SLIT2: variants seen among roughly 807,000 people sequenced by gnomAD.
The protein encoded by SLIT2 is slit guidance ligand 2.
Under a neutral mutation model 185.7 loss-of-function variants are expected in SLIT2, and 41 were observed. The ratio of observed to expected loss-of-function variants is 0.22; its 90% CI spans 0.17 to 0.29. SLIT2 has a LOEUF of 0.29. Ranked by LOEUF, SLIT2 falls within the 10% of genes least tolerant of loss-of-function variation. The pLI, the probability that SLIT2 is intolerant of heterozygous loss-of-function variation, is 1.00. For missense variants in SLIT2, 1,571 were observed against 1,909.0 expected (o/e 0.82, Z 3.30); for synonymous variants, 693 against 680.2 (o/e 1.02, Z -0.29).
intron 29 of SLIT2, 33 bp from the exon 30 acceptor site, chr4:20,589,611 T>C (rs892416978): frequency 1.3e-6 from 2 of 1,557,692 alleles, no homozygotes; most frequent in Admixed American, 1.7e-5. Flanking sequence ...GTTGACCTTT[T>C]TCTATGAGCT....
At chr4:20,299,965 TATC>T (rs34500988) in intron 4 of SLIT2, among the ~76,000 whole-genome samples, 55,605 of 151,630 alleles carry the variant, frequency 0.37, 10,505 homozygotes, top group African/African-American at 0.45. Context: ...AAATGTATGA[TATC>T]ATCATTCAAG....
At chr4:20,377,426 G>C (rs1724115661) in intron 4 of SLIT2, among the ~76,000 whole-genome samples, 1 of 151,964 alleles carries the variant, frequency 6.6e-6, no homozygotes, top group African/African-American at 2.4e-5. Flanking sequence ...AAAATGGGAG[G>C]TATTATCAGT....
At chr4:20,354,043 A>T (rs1229359418) in intron 4 of SLIT2, among the ~76,000 whole-genome samples, 1 of 152,150 alleles carries the variant, frequency 6.6e-6, no homozygotes, top group Non-Finnish European at 1.5e-5. Context: ...AACTGCAAAA[A>T]AAGAGTGCTG....
chr4:20,377,701 A>G (rs910137614), intron 4 of SLIT2, among the ~76,000 whole-genome samples: 1 of 152,136 alleles, frequency 6.6e-6, no homozygotes, highest in Non-Finnish European at 1.5e-5. Flanking sequence ...ATTTCTCACT[A>G]CAGAAGGGGT....
At chr4:20,596,680 G>C (rs778381110) in intron 32 of SLIT2, 25 bp downstream of exon 32, 1 of 1,596,166 alleles carries the variant, frequency 6.3e-7, no homozygotes, top group African/African-American at 1.3e-5. Flanking sequence ...TCTATGGAGA[G>C]ATGATCGGAT....
chr4:20,493,338 A>C (rs2148799955), intron 9 of SLIT2, among the ~76,000 whole-genome samples: 1 of 152,310 alleles, frequency 6.6e-6, no homozygotes, highest in East Asian at 1.9e-4. Context: ...GATAAAGTAA[A>C]GAGTAGAACG....
At chr4:20,415,410 CAAAAAAAAAAA>C (rs371123614) in intron 4 of SLIT2, among the ~76,000 whole-genome samples, 39 of 65,486 alleles carry the variant, frequency 6.0e-4, no homozygotes, top group African/African-American at 2.3e-3. Flanking sequence ...GACTCCGTCT[CAAAAAAAAAAA>C]AAAAAAAAAA....
intron 4 of SLIT2, among the ~76,000 whole-genome samples, chr4:20,310,888 A>C (rs1718044601): frequency 6.6e-6 from 1 of 152,158 alleles, no homozygotes; most frequent in Admixed American, 6.5e-5. Flanking sequence ...AAATTAGTTA[A>C]TTAATTTATT....
At chr4:20,538,854 C>T (rs925814010) in intron 18 of SLIT2, among the ~76,000 whole-genome samples, 8 of 150,846 alleles carry the variant, frequency 5.3e-5, no homozygotes, top group African/African-American at 2.0e-4. Flanking sequence ...GATCTGTTAC[C>T]GTTGCCTCTT....
At position 20,342,564 on chromosome 4, in the gene SLIT2, T is replaced by C. The variant is rs570767756; in HGVS notation, c.395+73683T>C. ...TAAAGTATTACCTAGGATAGAACTT[T>C]TAGCATAAATCTAATTAATCTATGA... On this transcript the variant is annotated intron_variant, in intron 4 of 36. Transcript: ENST00000504154. Among the ~76,000 whole-genome samples, 5 of 152,208 alleles carry C rather than the reference T, an allele frequency of 3.3e-5. No homozygotes were observed. In the South Asian group the frequency reaches 1.0e-3, roughly 32 times the overall value.
chr4:20,287,169 A>G (rs576590977), intron 4 of SLIT2, among the ~76,000 whole-genome samples: 285 of 152,260 alleles, frequency 1.9e-3, no homozygotes, highest in African/African-American at 6.7e-3. Context: ...CAAGGAAGCT[A>G]GCTACTCTTG....
chr4:20,432,194 C>T (rs531660683), intron 4 of SLIT2, among the ~76,000 whole-genome samples: 8 of 152,272 alleles, frequency 5.3e-5, no homozygotes, highest in Admixed American at 4.6e-4. Flanking sequence ...ACTACAACCC[C>T]TCCCCATCCC....
intron 33 of SLIT2, among the ~76,000 whole-genome samples, chr4:20,599,608 AC>A (rs1728258577): frequency 6.6e-6 from 1 of 152,166 alleles, no homozygotes; most frequent in East Asian, 1.9e-4. Flanking sequence ...GATTTCATCT[AC>A]TCAGTTCTTC....
Position 20,480,724 on chromosome 4 carries a change from A to G in SLIT2, c.476A>G (p.Asp159Gly), listed in dbSNP as rs1463715249. The G allele has an allele frequency of 6.2e-7, 1 of 1,612,984 alleles. No individual in the cohort carries two copies. The highest frequency in any genetic ancestry group is 1.7e-5 in the Admixed American group (1 of 60,004). Residue 159 changes from aspartate (D) to glycine (G), a missense_variant, in exon 6 of 37, where the codon GAT becomes GGT. Transcript: ENST00000504154. ...TCTAATCTTTTTAACAGGCAACTGG[A>G]TTACAACCAGATCAGCTGTATTGAA... ...GAVDIKNLQL[D>G]YNQISCIEDG... is the part of the protein sequence containing the mutation.
At chr4:20,372,428 A>T (rs192939325) in intron 4 of SLIT2, among the ~76,000 whole-genome samples, 1 of 152,166 alleles carries the variant, frequency 6.6e-6, no homozygotes, top group East Asian at 1.9e-4. Context: ...AAGGTAAAAT[A>T]CTGTTGAATA....
chr4:20,369,626 C>A (rs891460907), intron 4 of SLIT2, among the ~76,000 whole-genome samples: 11 of 152,038 alleles, frequency 7.2e-5, no homozygotes, highest in African/African-American at 9.7e-5. Context: ...TTCATCTTTT[C>A]CAGAGCACAC....
chr4:20,410,727 A>G (rs1727184295), intron 4 of SLIT2, among the ~76,000 whole-genome samples: 1 of 152,064 alleles, frequency 6.6e-6, no homozygotes, highest in South Asian at 2.1e-4. Context: ...AGATGGTTGT[A>G]GGTGTGCAGT....
intron 34 of SLIT2, among the ~76,000 whole-genome samples, chr4:20,612,404 C>T (rs1386114499): frequency 1.3e-5 from 2 of 151,774 alleles, no homozygotes; most frequent in Non-Finnish European, 2.9e-5. Context: ...TCAAACAACA[C>T]CTCTGTCCAC....
intron 22 of SLIT2, 88 bp from the exon 23 acceptor site, chr4:20,548,400 A>G (rs1443038877): frequency 2.8e-6 from 2 of 705,694 alleles, no homozygotes; most frequent in African/African-American, 1.8e-5. Context: ...TACTGCTATG[A>G]CTATAAGAAG....
Sources: gnomAD v4.1 joint callset for allele counts (sites outside exome capture counted in the v4.1 genomes callset) on GRCh38, gnomAD v4.1.1 for gene constraint, MANE v1.5 for transcripts, NCBI Gene and HGNC (gene_info 2026-07-23, HGNC 2026-07-21) for gene names.